CEP112: variants seen among roughly 807,000 people sequenced by gnomAD.
CEP112 encodes centrosomal protein 112, also known as centrosomal protein of 112 kDa.
Under a neutral mutation model 153.0 loss-of-function variants are expected in CEP112, and 127 were observed. The ratio of observed to expected loss-of-function variants is 0.83; its 90% CI spans 0.72 to 0.96. The LOEUF (loss-of-function observed/expected upper bound fraction) is 0.96, where lower values mean the gene tolerates loss of function less well. Ranked by LOEUF, CEP112 falls within the 40% of genes least tolerant of loss-of-function variation. CEP112 has a pLI of 0.00. For synonymous variants in CEP112, 358 were observed against 374.4 expected (o/e 0.96, Z 0.51); for missense variants, 1,089 against 1,101.2 (o/e 0.99, Z 0.16).
At chr17:65,773,006 T>C (rs4791132) in intron 21 of CEP112, among the ~76,000 whole-genome samples, 72,590 of 151,672 alleles carry the variant, frequency 0.48, 19,012 homozygotes, top group East Asian at 0.78. Flanking sequence ...CACATATGAA[T>C]GAATCTAAAC....
chr17:65,731,855 G>A (rs2050525930), intron 23 of CEP112, among the ~76,000 whole-genome samples: 1 of 152,160 alleles, frequency 6.6e-6, no homozygotes, highest in African/African-American at 2.4e-5. Flanking sequence ...CAGCAATTCG[G>A]TCGCATCTTT....
chr17:65,958,503 G>A (rs1158129856), intron 18 of CEP112, among the ~76,000 whole-genome samples: 1 of 125,472 alleles, frequency 8.0e-6, no homozygotes, highest in Non-Finnish European at 1.7e-5. Flanking sequence ...TGCTCCTGCT[G>A]TCTGGTTTCT....
intron 20 of CEP112, among the ~76,000 whole-genome samples, chr17:65,868,566 T>C (rs962898686): frequency 6.6e-6 from 1 of 151,698 alleles, no homozygotes; most frequent in Non-Finnish European, 1.5e-5. Context: ...ATATATAGAA[T>C]TGATGTTTTG....
intron 21 of CEP112, among the ~76,000 whole-genome samples, chr17:65,850,451 A>C (rs2098073871): frequency 6.6e-6 from 1 of 152,044 alleles, no homozygotes; most frequent in African/African-American, 2.4e-5. Flanking sequence ...TGTCAGGTCT[A>C]CCTTCAGAAC....
chr17:65,755,415 C>A (rs1031251901), intron 21 of CEP112, among the ~76,000 whole-genome samples: 1 of 152,146 alleles, frequency 6.6e-6, no homozygotes, highest in African/African-American at 2.4e-5. Context: ...TCCCACCAGG[C>A]CCCACATCCA....
intron 18 of CEP112, among the ~76,000 whole-genome samples, chr17:65,949,223 G>A (rs764108688): frequency 6.6e-5 from 10 of 152,178 alleles, no homozygotes; most frequent in Non-Finnish European, 1.3e-4. Context: ...CTTGATTTGC[G>A]AATAAGCCTA....
chr17:66,102,319 C>T (rs2068597364), intron 6 of CEP112, among the ~76,000 whole-genome samples: 1 of 151,912 alleles, frequency 6.6e-6, no homozygotes, highest in African/African-American at 2.4e-5. Flanking sequence ...AATAAATAGG[C>T]CATAAATGGT....
intron 18 of CEP112, among the ~76,000 whole-genome samples, chr17:65,943,110 T>C (rs1260240817): frequency 6.6e-6 from 1 of 152,154 alleles, no homozygotes; most frequent in Non-Finnish European, 1.5e-5. Context: ...TAGATATGAA[T>C]AGATAGGCAG....
At chr17:66,168,159 A>T (rs1266008695) in intron 4 of CEP112, among the ~76,000 whole-genome samples, 1 of 152,084 alleles carries the variant, frequency 6.6e-6, no homozygotes, top group Admixed American at 6.6e-5. Flanking sequence ...CATTTTTTTT[A>T]CAAGAACGTT....
chr17:65,663,015 C>T (rs1425804516), intron 24 of CEP112, among the ~76,000 whole-genome samples: 1 of 152,122 alleles, frequency 6.6e-6, no homozygotes, highest in Non-Finnish European at 1.5e-5. Flanking sequence ...ATCTTGAACA[C>T]GTATTTAAAA....
At chr17:65,693,539 G>A (rs896630128) in intron 23 of CEP112, among the ~76,000 whole-genome samples, 1 of 152,020 alleles carries the variant, frequency 6.6e-6, no homozygotes, top group Non-Finnish European at 1.5e-5. Flanking sequence ...AGAAGGGGAT[G>A]GGTGAAGTGG....
chr17:65,884,334 TGGTG>T (rs1185467194), intron 20 of CEP112, among the ~76,000 whole-genome samples: 1 of 152,182 alleles, frequency 6.6e-6, no homozygotes, highest in Non-Finnish European at 1.5e-5. Flanking sequence ...TCTAGCTACC[TGGTG>T]AAAAGCAATG....
At chr17:66,090,284 A>G (rs1472373794) in intron 8 of CEP112, among the ~76,000 whole-genome samples, 1 of 152,038 alleles carries the variant, frequency 6.6e-6, no homozygotes, top group Non-Finnish European at 1.5e-5. Flanking sequence ...TCAAACACAG[A>G]ATAGTCTAAT....
chr17:65,870,018 A>AAAGG (rs1314007894), intron 20 of CEP112, among the ~76,000 whole-genome samples: 2 of 38,278 alleles, frequency 5.2e-5, no homozygotes, highest in Non-Finnish European at 1.1e-4. Context: ...AGAGAATAAG[A>AAAGG]AAGAAAGAAA....
intron 23 of CEP112, among the ~76,000 whole-genome samples, chr17:65,716,768 G>A (rs1041442950): frequency 2.0e-5 from 3 of 151,986 alleles, no homozygotes; most frequent in African/African-American, 7.3e-5. Context: ...GGATAATAAT[G>A]AAAATGAGAA....
At chr17:65,931,700 C>A (rs1024112475) in intron 18 of CEP112, among the ~76,000 whole-genome samples, 6 of 152,230 alleles carry the variant, frequency 3.9e-5, no homozygotes, top group Admixed American at 6.5e-5. Context: ...AAGTCCCTAG[C>A]CAGATTTGCC....
intron 8 of CEP112, among the ~76,000 whole-genome samples, chr17:66,095,706 C>G (rs1339658977): frequency 6.6e-6 from 1 of 152,120 alleles, no homozygotes; most frequent in Non-Finnish European, 1.5e-5. Flanking sequence ...TGAGGTGATT[C>G]ATATATCAAG....
chr17:66,021,447 G>A (rs1370642120), intron 16 of CEP112, among the ~76,000 whole-genome samples: 2 of 152,180 alleles, frequency 1.3e-5, no homozygotes, highest in Non-Finnish European at 2.9e-5. Flanking sequence ...TGCCTGGGTA[G>A]CAGGTTTTGT....
intron 17 of CEP112, among the ~76,000 whole-genome samples, chr17:66,003,492 C>CA (rs1329591938): frequency 6.6e-6 from 1 of 152,200 alleles, no homozygotes; most frequent in African/African-American, 2.4e-5. Flanking sequence ...CTAAGTACTT[C>CA]AAATGCCTAA....
Sources: gnomAD v4.1 joint callset for allele counts (sites outside exome capture counted in the v4.1 genomes callset) on GRCh38, gnomAD v4.1.1 for gene constraint, MANE v1.5 for transcripts, NCBI Gene and HGNC (gene_info 2026-07-23, HGNC 2026-07-21) for gene names.